Variants in ALDH4A1 observed in about 807,000 individuals in gnomAD.
The protein encoded by ALDH4A1 is aldehyde dehydrogenase 4 family member A1.
A neutral mutation model predicts 70.5 loss-of-function variants in ALDH4A1; 46 were observed. The ratio of observed to expected loss-of-function variants is 0.65; its 90% CI spans 0.51 to 0.83. ALDH4A1 has a LOEUF of 0.83. Ranked by LOEUF, ALDH4A1 falls within the 40% of genes least tolerant of loss-of-function variation. The pLI is 0.00. For synonymous variants in ALDH4A1, 323 were observed against 324.3 expected, an observed-to-expected ratio of 1.00 and a Z score of 0.04; for missense variants, 749 against 766.5, an observed-to-expected ratio of 0.98 and a Z score of 0.27.
At position 18,881,765 on chromosome 1, in the gene ALDH4A1, G is replaced by A; in HGVS notation, c.801C>T (p.Pro267=). 2 of 1,614,076 alleles carry A rather than the reference G, an allele frequency of 1.2e-6. No individual in the cohort carries two copies. The highest frequency in any genetic ancestry group is 8.5e-7 in the Non-Finnish European group (1 of 1,180,032). ...AGCTGGTGACAGTGTCCCCAAATAG[G>A]GGCCCATCAGCTGGCACAAACTGGA... is the stretch of plus-strand genomic sequence containing the variant. ...NIIQFVPADG[P]LFGDTVTSSE... is the part of the protein sequence containing the mutation. Residue 267 remains proline (P), a synonymous_variant, in exon 8 of 15, where the codon CCC becomes CCT. Transcript: ENST00000375341.
At chr1:18,892,667 C>T (rs1251548023) in intron 1 of ALDH4A1, among the ~76,000 whole-genome samples, 1 of 151,600 alleles carries the variant, frequency 6.6e-6, no homozygotes, top group African/African-American at 2.4e-5. Context: ...CTCTCCACTC[C>T]CCTCCCCTCC....
At chr1:18,892,200 G>C (rs1287177433) in intron 1 of ALDH4A1, among the ~76,000 whole-genome samples, 1 of 152,180 alleles carries the variant, frequency 6.6e-6, no homozygotes, top group Non-Finnish European at 1.5e-5. Context: ...CAAAGACCCA[G>C]CCTGGGAAGC....
chr1:18,883,321 G>C lies in ALDH4A1; in HGVS notation c.561C>G (p.Ser187Arg), dbSNP rs199723895. The C allele has an allele frequency of 6.2e-7, 1 of 1,613,282 alleles. No homozygotes were observed. The highest frequency in any genetic ancestry group is 8.5e-7 in the Non-Finnish European group (1 of 1,180,038). Residue 187 changes from serine (S) to arginine (R), a missense_variant, in exon 6 of 15, where the codon AGC (serine) becomes AGG (arginine). Coordinates refer to ENST00000375341, the MANE Select transcript of ALDH4A1 (RefSeq NM_003748.4). ...CCGTGCTGTTGGTGCTCGGGGGCAC[G>C]CTGATGGGCTGCTGCCCCTCCAGCT... Reference protein sequence around the residue: ...AVELEGQQPISVPPSTNSTVY... With the variant: ...AVELEGQQPIRVPPSTNSTVY...
At chr1:18,902,424 C>G (rs1557632259) in intron 1 of ALDH4A1, 38 bp downstream of exon 1, 2 of 1,309,204 alleles carry the variant, frequency 1.5e-6, no homozygotes, top group Admixed American at 4.0e-5. Flanking sequence ...GGGCCCCAGG[C>G]GCGCGCTCGG....
intron 12 of ALDH4A1, 93 bp downstream of exon 12, chr1:18,876,222 T>G: frequency 9.9e-6 from 15 of 1,521,864 alleles, no homozygotes; most frequent in Non-Finnish European, 1.4e-5. Context: ...GCCTCATCTG[T>G]GAAATGGGAG....
intron 5 of ALDH4A1, 90 bp from the exon 6 acceptor site, chr1:18,883,518 T>G: frequency 6.4e-7 from 1 of 1,572,784 alleles, no homozygotes; most frequent in Non-Finnish European, 8.6e-7. Context: ...AAGCGAGCAC[T>G]GAGCCGGGCC....
intron 13 of ALDH4A1, 122 bp downstream of exon 13, chr1:18,875,260 G>C (rs1934624401): frequency 6.6e-7 from 1 of 1,513,864 alleles, no homozygotes. Flanking sequence ...CTGGGCTGAG[G>C]GGAGGGGACA....
rs554530902 is a variant in ALDH4A1 at position 18,890,098 on chromosome 1, A to G, written c.70T>C (p.Trp24Arg). Reference protein sequence around the residue: ...SRPWTGAGLRWKHTSSLKVAN... With the variant: ...SRPWTGAGLRRKHTSSLKVAN... ...ACCTTCAGGGAGGAGGTGTGCTTCC[A>G]CCGCAGGCTGGAACACAAGGGCAGG... Residue 24 changes from tryptophan to arginine, a missense_variant, in exon 2 of 15, where the codon TGG becomes CGG. Trp to Arg is a moderately radical substitution (Grantham distance 101). Coordinates refer to ENST00000375341, the MANE Select transcript of ALDH4A1 (RefSeq NM_003748.4). 3 of 1,611,408 alleles carry G rather than the reference A, an allele frequency of 1.9e-6. No individual in the cohort carries two copies. The highest frequency in any genetic ancestry group is 2.2e-5 in the South Asian group (2 of 90,544).
At chr1:18,894,991 T>C (rs1276889810) in intron 1 of ALDH4A1, among the ~76,000 whole-genome samples, 1 of 151,504 alleles carries the variant, frequency 6.6e-6, no homozygotes, top group Admixed American at 6.6e-5. Context: ...TGAGGATCCA[T>C]GAGGACCTTC....
chr1:18,872,873 C>G lies in ALDH4A1; in HGVS notation c.1664G>C (p.Gly555Ala). Residue 555 changes from glycine (G) to alanine (A), a missense_variant, in exon 15 of 15, where the codon GGG becomes GCG. Gly to Ala is a moderately conservative substitution (Grantham distance 60). Transcript: ENST00000375341. ...QVIKETHKPLGDWSYAYMQ is the reference protein window; with the variant it reads ...QVIKETHKPLADWSYAYMQ The stretch of plus-strand genomic sequence containing the variant: ...CTGCATGTACGCGTAGCTCCAGTCC[C>G]CCAGGGGCTTATGTGTCTCCTTGAT... 6.2e-7 allele frequency: 1 copy of G among 1,614,084 alleles called. No homozygotes were observed. The highest frequency in any genetic ancestry group is 8.5e-7 in the Non-Finnish European group (1 of 1,180,020).
At chr1:18,879,760 T>C (rs7364713) in intron 8 of ALDH4A1, among the ~76,000 whole-genome samples, 23,621 of 152,144 alleles carry the variant, frequency 0.16, 2,391 homozygotes, top group Non-Finnish European at 0.23. Flanking sequence ...ACACTGCAGG[T>C]ACCTGGCAGG....
chr1:18,889,040 C>T (rs910170252), intron 3 of ALDH4A1, among the ~76,000 whole-genome samples: 19 of 152,208 alleles, frequency 1.2e-4, no homozygotes, highest in African/African-American at 4.3e-4. Context: ...CTGAGGTGCT[C>T]GGGGCCCGGG....
chr1:18,885,114 A>G (rs918050370), intron 5 of ALDH4A1, among the ~76,000 whole-genome samples: 1 of 151,926 alleles, frequency 6.6e-6, no homozygotes, highest in Non-Finnish European at 1.5e-5. Context: ...AACATCCTGG[A>G]GGTGTTGGAA....
At chr1:18,895,331 C>T (rs1935581329) in intron 1 of ALDH4A1, among the ~76,000 whole-genome samples, 1 of 152,232 alleles carries the variant, frequency 6.6e-6, no homozygotes, top group South Asian at 2.1e-4. Flanking sequence ...CCCCCTCACC[C>T]TCTACAAGTG....
In ALDH4A1 at chr1:18,886,525, AGAG is replaced by A. The variant is rs1037987423; in HGVS notation, c.250-17_250-15del. The A allele has an allele frequency of 1.2e-6, 2 of 1,613,906 alleles. No homozygotes were observed. The highest frequency in any genetic ancestry group is 1.3e-5 in the African/African-American group (1 of 74,926). On this transcript the variant is annotated splice_polypyrimidine_tract_variant and intron_variant, in intron 3 of 14. Transcript: ENST00000375341. ...ATGGTTAAAAGGCTGAAAGGAGAGA[AGAG>A]TGAGGTCCTTGCCCGGGAGGGAGGT...
chr1:18,885,317 T>C (rs1935148928), intron 5 of ALDH4A1, 156 bp downstream of exon 5: 11 of 702,414 alleles, frequency 1.6e-5, no homozygotes, highest in Non-Finnish European at 2.6e-5. Context: ...TGATCATCCA[T>C]CCCAGCTCCT....
chr1:18,875,538 G>A, intron 12 of ALDH4A1, 35 bp from the exon 13 acceptor site: 1 of 1,613,374 alleles, frequency 6.2e-7, no homozygotes, highest in Non-Finnish European at 8.5e-7. Flanking sequence ...ACCCTCCACG[G>A]GACCAGGGAC....
chr1:18,891,102 G>A (rs1442699849), intron 1 of ALDH4A1, among the ~76,000 whole-genome samples: 1 of 152,218 alleles, frequency 6.6e-6, no homozygotes, highest in East Asian at 1.9e-4. Context: ...CAAGGTGGGA[G>A]GTCAGGTGGC....
In ALDH4A1 at chr1:18,885,485, G is replaced by T; in HGVS notation, c.441C>A (p.Thr147=). The T allele has an allele frequency of 7.8e-7, 1 of 1,279,730 alleles. No individual in the cohort carries two copies. The highest frequency in any genetic ancestry group is 2.2e-4 in the Middle Eastern group (1 of 4,570). 79.3% of individuals were successfully genotyped at this position (1,279,730 alleles called of 1,614,324 possible). A position where few individuals can be genotyped will look rare whatever the true frequency, so the allele number is the denominator to read the frequency against. Residue 147 remains threonine (T), a synonymous_variant, in exon 5 of 15, where the codon ACC becomes ACA. Coordinates refer to ENST00000375341, the MANE Select transcript of ALDH4A1 (RefSeq NM_003748.4). ...GPRRAEILAK[T]MVGQGKTVIQ... is the part of the protein sequence containing the mutation. The stretch of plus-strand genomic sequence containing the variant: ...ACCAGCACCTCACCTGTCCCACCAT[G>T]GTCTTGGCGAGGATCTCAGCCCTGC...
Sources: gnomAD v4.1 joint callset for allele counts (sites outside exome capture counted in the v4.1 genomes callset) on GRCh38, gnomAD v4.1.1 for gene constraint, MANE v1.5 for transcripts, NCBI Gene and HGNC (gene_info 2026-07-23, HGNC 2026-07-21) for gene names.